Variants in PLCG2 observed in about 807,000 individuals in gnomAD.
The protein encoded by PLCG2 is 1-phosphatidylinositol 4,5-bisphosphate phosphodiesterase gamma-2.
Under a neutral mutation model 175.6 loss-of-function variants are expected in PLCG2, and 69 were observed. The ratio of observed to expected loss-of-function variants is 0.39; its 90% confidence interval spans 0.32 to 0.48. The LOEUF (loss-of-function observed/expected upper bound fraction) is 0.48, where lower values mean the gene tolerates loss of function less well. Ranked by LOEUF, PLCG2 falls within the 20% of genes least tolerant of loss-of-function variation. The pLI is 0.91. For missense variants in PLCG2, 1,798 were observed against 1,650.9 expected, an observed-to-expected ratio of 1.09 and a Z score of -1.54; for synonymous variants, 827 against 624.0, an observed-to-expected ratio of 1.33 and a Z score of -4.85.
chr16:81,778,014 C>A (rs2143128885), upstream of PLCG2, among the ~76,000 whole-genome samples: 2 of 16,656 alleles, frequency 1.2e-4, no homozygotes, highest in Admixed American at 8.1e-4. Context: ...AAGACTTTGT[C>A]TCAAAAAAAA....
intron 21 of PLCG2, 128 bp from the exon 22 acceptor site, chr16:81,923,357 G>A (rs1910134060): frequency 1.7e-6 from 1 of 602,496 alleles, no homozygotes. Context: ...TCCAGCAGAT[G>A]ACTTTGTAAC....
intron 2 of PLCG2, among the ~76,000 whole-genome samples, chr16:81,836,083 T>A (rs1462824283): frequency 6.6e-6 from 1 of 152,214 alleles, no homozygotes; most frequent in Non-Finnish European, 1.5e-5. Context: ...CCCCCAACAT[T>A]ACCCGTTTAT....
chr16:81,944,250 A>T (rs1358012115), intron 30 of PLCG2, among the ~76,000 whole-genome samples: 2 of 151,584 alleles, frequency 1.3e-5, no homozygotes, highest in Non-Finnish European at 2.9e-5. Context: ...AAACAAGTAC[A>T]GTCAGCCCTC....
At chr16:81,752,057 A>G (rs1183200600) in intron 1 of PLCG2, among the ~76,000 whole-genome samples, 1 of 151,352 alleles carries the variant, frequency 6.6e-6, no homozygotes, top group African/African-American at 2.4e-5. Flanking sequence ...ATATATGTAT[A>G]TAATATATAT....
chr16:81,950,132 A>G (rs72824949), intron 31 of PLCG2, among the ~76,000 whole-genome samples: 1,541 of 152,336 alleles, frequency 0.01, 13 homozygotes, highest in Middle Eastern at 0.037. Context: ...AGTGAAATGG[A>G]TAAGAACTTA....
At chr16:81,758,677 C>CTT (rs35302433) in intron 2 of PLCG2, among the ~76,000 whole-genome samples, 5 of 144,046 alleles carry the variant, frequency 3.5e-5, no homozygotes, top group Admixed American at 6.9e-5. Context: ...GTCCATCTCT[C>CTT]TTTTTTTTTT....
chr16:81,769,323 A>T (rs974384935), intron 2 of PLCG2, among the ~76,000 whole-genome samples: 1 of 152,184 alleles, frequency 6.6e-6, no homozygotes, highest in Non-Finnish European at 1.5e-5. Flanking sequence ...CTGTTGTTTC[A>T]GTGAAAGGCA....
intron 1 of PLCG2, 103 bp from the exon 2 acceptor site, chr16:81,785,840 C>G: frequency 1.4e-6 from 1 of 695,024 alleles, no homozygotes; most frequent in Non-Finnish European, 2.5e-6. Flanking sequence ...AAAACTCATC[C>G]TGATTGACAT....
At chr16:81,881,539 T>C (rs1395806236) in intron 8 of PLCG2, among the ~76,000 whole-genome samples, 1 of 152,244 alleles carries the variant, frequency 6.6e-6, no homozygotes. Context: ...GTTAATGGTC[T>C]GGGGTACGTT....
intron 2 of PLCG2, among the ~76,000 whole-genome samples, chr16:81,771,646 T>C (rs1198238720): frequency 6.6e-6 from 1 of 152,022 alleles, no homozygotes; most frequent in African/African-American, 2.4e-5. Context: ...TTGCCTAATA[T>C]AGGGTACAGT....
intron 30 of PLCG2, 55 bp from the exon 31 acceptor site, chr16:81,946,120 C>G (rs919013927): frequency 2.0e-5 from 28 of 1,402,406 alleles, no homozygotes; most frequent in African/African-American, 9.9e-5. Context: ...CAAAAAAAAT[C>G]TAAGGTCTGA....
chr16:81,946,202 G>C lies in PLCG2; in HGVS notation c.3509G>C (p.Gly1170Ala). Reference sequence around the variant, plus strand: ...TTCAGGTCCGTTCCTCTGAAGAATGGGTACAGCGAGGACATAGAGCTGGCT... The same window carrying C: ...TTCAGGTCCGTTCCTCTGAAGAATGCGTACAGCGAGGACATAGAGCTGGCT... ...SGFRSVPLKNGYSEDIELASL... is the reference protein window; with the variant it reads ...SGFRSVPLKNAYSEDIELASL... The change falls in exon 31 of 33, where the codon GGG (glycine) becomes GCG (alanine). Residue 1170 changes from glycine (G) to alanine (A), a missense_variant. Transcript: ENST00000564138. 1 of 1,613,866 alleles carries C rather than the reference G, an allele frequency of 6.2e-7. No homozygotes were observed. The highest frequency in any genetic ancestry group is 2.2e-5 in the East Asian group (1 of 44,886).
chr16:81,864,801 CG>C (rs1482362925), intron 5 of PLCG2, among the ~76,000 whole-genome samples: 2 of 152,050 alleles, frequency 1.3e-5, no homozygotes, highest in African/African-American at 4.8e-5. Context: ...TGCCTGGGTG[CG>C]GGAGTTGAAG....
At chr16:81,841,071 C>G (rs1226573491) in intron 2 of PLCG2, among the ~76,000 whole-genome samples, 3 of 152,192 alleles carry the variant, frequency 2.0e-5, no homozygotes, top group Non-Finnish European at 2.9e-5. Context: ...TGGGAAGAAT[C>G]TCTTCACATG....
rs199537366 is a variant in PLCG2, at chr16:81,891,421, C to T, written c.868-51C>T. 1,859 of 1,029,306 alleles carry T rather than the reference C, an allele frequency of 1.8e-3. 6 individuals are homozygous for T. The highest frequency in any genetic ancestry group is 0.012 in the Middle Eastern group (59 of 4,988). 63.8% of individuals were successfully genotyped at this position (1,029,306 alleles called of 1,614,324 possible). ...GGCGCAGACCAGAAACAAGCAGACA[C>T]CATCCTGCCCGTCAACGTGATGATT... On this transcript the variant is annotated intron_variant, in intron 10 of 32. Coordinates refer to ENST00000564138, the MANE Select transcript of PLCG2 (RefSeq NM_002661.5).
intron 1 of PLCG2, among the ~76,000 whole-genome samples, chr16:81,748,554 G>A (rs558977218): frequency 4.5e-4 from 68 of 152,108 alleles, no homozygotes; most frequent in Non-Finnish European, 7.4e-4. Flanking sequence ...TGGGGGAGGG[G>A]ACATTAGGGG....
At chr16:81,869,082 A>C in intron 5 of PLCG2, 132 bp from the exon 6 acceptor site, 1 of 692,014 alleles carries the variant, frequency 1.4e-6, no homozygotes, top group South Asian at 1.7e-5. Flanking sequence ...GTTCCCAGTT[A>C]GTGGTCCATA....
rs1003946385 is a variant in PLCG2, at chr16:81,939,966, G to T, written c.3388G>T (p.Ala1130Ser). ...ATTTGAAATTTATGACCCAAACCTGGCATTTCTGCGCTTTGTGGTTTATGA... is the reference window on the plus strand; with the variant it reads ...ATTTGAAATTTATGACCCAAACCTGTCATTTCTGCGCTTTGTGGTTTATGA... ...VTFEIYDPNL[A>S]FLRFVVYEED... Residue 1130 changes from alanine to serine, a missense_variant, in exon 30 of 33, where the codon GCA (alanine) becomes TCA (serine). Ala to Ser is a moderately conservative substitution (Grantham distance 99, BLOSUM62 1). Transcript: ENST00000564138. 1.3e-5 allele frequency: 21 copies of T among 1,613,798 alleles called. No individual in the cohort carries two copies. The highest frequency in any genetic ancestry group is 1.6e-5 in the Non-Finnish European group (19 of 1,179,810).
chr16:81,955,718 A>G (rs1021083607), intron 31 of PLCG2, among the ~76,000 whole-genome samples: 2 of 152,194 alleles, frequency 1.3e-5, no homozygotes, highest in African/African-American at 4.8e-5. Context: ...CCAAGAAAAG[A>G]AACTCTACCA....
Sources: allele counts gnomAD v4.1 joint callset (sites outside exome capture counted in the v4.1 genomes callset), GRCh38; gene constraint gnomAD v4.1.1; transcripts MANE v1.5; gene names NCBI Gene and HGNC (gene_info 2026-07-23, HGNC 2026-07-21).